RRAGD: variants seen among roughly 807,000 people sequenced by gnomAD.
The protein encoded by RRAGD is Ras related GTP binding D, also known as ras-related GTP-binding protein D.
Under a neutral mutation model 35.5 loss-of-function variants are expected in RRAGD, and 12 were observed. The observed-to-expected ratio is 0.34, with a 90% CI of 0.22 to 0.55. The LOEUF is 0.55. Ranked by LOEUF, RRAGD falls within the 20% of genes least tolerant of loss-of-function variation. The pLI is 0.91. For missense variants in RRAGD, 324 were observed against 490.1 expected, an observed-to-expected ratio of 0.66 and a Z score of 3.20; for synonymous variants, 155 against 178.9, an observed-to-expected ratio of 0.87 and a Z score of 1.07.
At chr6:89,408,596 C>A (rs1769630634) in intron 1 of RRAGD, among the ~76,000 whole-genome samples, 1 of 152,170 alleles carries the variant, frequency 6.6e-6, no homozygotes, top group Admixed American at 6.5e-5. Context: ...TTTCATGCCT[C>A]CAGAAACCAC....
At chr6:89,405,245 T>C (rs1489114306) in intron 1 of RRAGD, among the ~76,000 whole-genome samples, 1 of 140,840 alleles carries the variant, frequency 7.1e-6, no homozygotes, top group African/African-American at 2.7e-5. Flanking sequence ...TCCCAGCTGC[T>C]GGGGAGGCTG....
chr6:89,373,543 A>C (rs1354186088), intron 5 of RRAGD, among the ~76,000 whole-genome samples: 2 of 150,770 alleles, frequency 1.3e-5, no homozygotes, highest in South Asian at 4.2e-4. Flanking sequence ...CCTTGAACCC[A>C]GGAGGCAGAC....
intron 5 of RRAGD, among the ~76,000 whole-genome samples, chr6:89,377,320 A>T (rs1768965673): frequency 6.6e-6 from 1 of 152,230 alleles, no homozygotes; most frequent in Non-Finnish European, 1.5e-5. Flanking sequence ...AATAGTTGAG[A>T]ATTAAATGAT....
chr6:89,372,445 T>C lies in RRAGD; in HGVS notation c.1043A>G (p.Glu348Gly). ...LVCFVREESF[E>G]RKGLIDYNFH... ...TCACACCAAAAAGTTACCTTTTCTT[T>C]CAAAGCTTTCCTCTCTGACAAAGCA... Residue 348 changes from glutamate to glycine, a missense_variant, in exon 6 of 7, where the codon GAA (glutamate) becomes GGA (glycine). This residue lies in a region of RRAGD where 68 missense variants were observed against 76.8 expected (regional missense o/e 0.89). Coordinates refer to ENST00000369415, the MANE Select transcript of RRAGD (RefSeq NM_021244.5). 1 of 1,612,938 alleles carries C rather than the reference T, an allele frequency of 6.2e-7. No individual in the cohort carries two copies. The highest frequency in any genetic ancestry group is 8.5e-7 in the Non-Finnish European group (1 of 1,179,474).
intron 3 of RRAGD, 42 bp from the exon 4 acceptor site, chr6:89,379,380 T>A: frequency 9.4e-7 from 1 of 1,065,326 alleles, no homozygotes; most frequent in Non-Finnish European, 1.4e-6. Flanking sequence ...TCCCTTTGAA[T>A]GAGGAACAGG....
At chr6:89,372,026 C>T (rs185037265) in intron 6 of RRAGD, among the ~76,000 whole-genome samples, 195 of 152,316 alleles carry the variant, frequency 1.3e-3, no homozygotes, top group Non-Finnish European at 2.3e-3. Flanking sequence ...AAAGATCACA[C>T]GGTTACCTAA....
chr6:89,380,546 A>G (rs1769024533), intron 2 of RRAGD, among the ~76,000 whole-genome samples, 179 bp from the exon 3 acceptor site: 1 of 152,194 alleles, frequency 6.6e-6, no homozygotes, highest in South Asian at 2.1e-4. Context: ...TAACAAAGAG[A>G]GGAAGAAGAA....
chr6:89,392,127 A>T (rs1199487677), intron 1 of RRAGD, among the ~76,000 whole-genome samples: 3 of 152,114 alleles, frequency 2.0e-5, no homozygotes, highest in Non-Finnish European at 2.9e-5. Flanking sequence ...ACAAAAATAA[A>T]AAACCCAGTA....
In RRAGD at chr6:89,406,589, G is replaced by A. The variant is rs545994512; in HGVS notation, c.148+5257C>T. On this transcript the variant is annotated intron_variant, in intron 1 of 6. Transcript: ENST00000369415. Reference sequence around the variant, plus strand: ...AGCTGCCTGACTCCAGGGAAAAACCGTCTCCCTTCTGGCTCCCCTATCTGC... The same window carrying A: ...AGCTGCCTGACTCCAGGGAAAAACCATCTCCCTTCTGGCTCCCCTATCTGC... Among the ~76,000 whole-genome samples, 37 of 152,238 alleles carry A rather than the reference G, an allele frequency of 2.4e-4. No individual in the cohort carries two copies. The South Asian group carries it at 6.2e-3, about 26-fold the overall frequency.
intron 2 of RRAGD, among the ~76,000 whole-genome samples, chr6:89,380,673 C>G (rs1769027001): frequency 1.3e-5 from 2 of 151,836 alleles, no homozygotes; most frequent in African/African-American, 4.8e-5. Flanking sequence ...TTTGGGAGGC[C>G]CAGGCAGGTG....
Position 89,397,133 on chromosome 6 carries a change from C to T in RRAGD, c.149-9543G>A, listed in dbSNP as rs570146306. ...AGGTAAAAAAGCACAGGAAAAGATACTCAATACATCATTAATCATTATAAA... is the reference window on the plus strand; with the variant it reads ...AGGTAAAAAAGCACAGGAAAAGATATTCAATACATCATTAATCATTATAAA... On this transcript the variant is annotated intron_variant, in intron 1 of 6. Coordinates refer to ENST00000369415, the MANE Select transcript of RRAGD (RefSeq NM_021244.5). 2.2e-4 allele frequency among the ~76,000 whole-genome samples: 33 copies of T among 152,232 alleles called. No individual in the cohort carries two copies. In the South Asian group the frequency reaches 6.2e-3, roughly 29 times the overall value.
chr6:89,409,120 T>A (rs1367628047), intron 1 of RRAGD, among the ~76,000 whole-genome samples: 2 of 152,224 alleles, frequency 1.3e-5, no homozygotes, highest in East Asian at 3.8e-4. Context: ...TCAAACTCAG[T>A]ACAATGTGGT....
chr6:89,396,906 T>TAAA (rs1346907568), intron 1 of RRAGD, among the ~76,000 whole-genome samples: 1 of 150,848 alleles, frequency 6.6e-6, no homozygotes, highest in African/African-American at 2.4e-5. Context: ...CATGTTCGGC[T>TAAA]AATTTTGTAT....
At chr6:89,388,397 C>G (rs1209772159) in intron 1 of RRAGD, among the ~76,000 whole-genome samples, 1 of 152,044 alleles carries the variant, frequency 6.6e-6, no homozygotes, top group African/African-American at 2.4e-5. Context: ...AATATGAGAA[C>G]ATTCTGGAGA....
At chr6:89,385,390 G>C (rs144430631) in intron 2 of RRAGD, among the ~76,000 whole-genome samples, 2 of 152,138 alleles carry the variant, frequency 1.3e-5, no homozygotes, top group African/African-American at 2.4e-5. Flanking sequence ...CAGCTGCTGC[G>C]TGACTTAGGG....
chr6:89,402,549 G>A (rs1376635617), intron 1 of RRAGD, among the ~76,000 whole-genome samples: 2 of 152,198 alleles, frequency 1.3e-5, no homozygotes, highest in Non-Finnish European at 2.9e-5. Flanking sequence ...GGACAAGGGA[G>A]ACAGAAGCCC....
chr6:89,398,198 T>C (rs574397892), intron 1 of RRAGD, among the ~76,000 whole-genome samples: 1 of 151,560 alleles, frequency 6.6e-6, no homozygotes, highest in East Asian at 1.9e-4. Flanking sequence ...TAAGGAAAGG[T>C]CAGAGGGAGG....
At chr6:89,391,169 G>C (rs915905269) in intron 1 of RRAGD, among the ~76,000 whole-genome samples, 1 of 152,044 alleles carries the variant, frequency 6.6e-6, no homozygotes, top group African/African-American at 2.4e-5. Flanking sequence ...AGGGTTGCTT[G>C]AGGCCAGGAG....
chr6:89,372,619 T>C (rs1380165724), intron 5 of RRAGD, 34 bp from the exon 6 acceptor site: 3 of 1,508,194 alleles, frequency 2.0e-6, no homozygotes, highest in African/African-American at 1.4e-5. Context: ...CATGTGACCA[T>C]TGAGAAAGAA....
Sources: allele counts gnomAD v4.1 joint callset (sites outside exome capture counted in the v4.1 genomes callset), GRCh38; gene constraint gnomAD v4.1.1; regional missense constraint gnomAD v4.1.1; transcripts MANE v1.5; gene names NCBI Gene and HGNC (gene_info 2026-07-23, HGNC 2026-07-21).